Variants in APBA2 observed in about 807,000 individuals in gnomAD.
The protein encoded by APBA2 is amyloid beta precursor protein binding family A member 2, also known as amyloid-beta A4 precursor protein-binding family A member 2.
A neutral mutation model predicts 75.0 loss-of-function variants in APBA2; 30 were observed. The observed-to-expected ratio is 0.40, with a 90% CI of 0.30 to 0.54. APBA2 has a LOEUF of 0.54. Ranked by LOEUF, APBA2 falls within the 20% of genes least tolerant of loss-of-function variation. APBA2 has a pLI of 0.49. For missense variants in APBA2, 801 were observed against 1,016.1 expected (o/e 0.79, Z 2.88); for synonymous variants, 444 against 409.6 (o/e 1.08, Z -1.01).
intron 1 of APBA2, among the ~76,000 whole-genome samples, chr15:28,909,126 A>G (rs1398294270): frequency 2.0e-5 from 3 of 151,624 alleles, no homozygotes; most frequent in Non-Finnish European, 2.9e-5. Context: ...AGCTGGGGCT[A>G]CAGGCGCCCG....
At chr15:29,006,637 G>T (rs1373680514) in intron 3 of APBA2, among the ~76,000 whole-genome samples, 1 of 152,174 alleles carries the variant, frequency 6.6e-6, no homozygotes, top group African/African-American at 2.4e-5. Flanking sequence ...TTACATGGCA[G>T]CAGGCAAGAG....
intron 2 of APBA2, among the ~76,000 whole-genome samples, chr15:28,988,957 GTGT>G (rs1215379425): frequency 6.6e-6 from 1 of 152,174 alleles, no homozygotes; most frequent in Non-Finnish European, 1.5e-5. Context: ...ACAGCACTTG[GTGT>G]TGTCAGACAT....
chr15:29,080,285 C>A (rs1303793353), intron 6 of APBA2, among the ~76,000 whole-genome samples: 1 of 152,192 alleles, frequency 6.6e-6, no homozygotes, highest in East Asian at 1.9e-4. Context: ...AGGATTCGAA[C>A]CAGTCTGGAA....
chr15:29,056,621 C>T (rs1595855451), intron 4 of APBA2, among the ~76,000 whole-genome samples: 1 of 98,360 alleles, frequency 1.0e-5, no homozygotes, highest in Non-Finnish European at 1.9e-5. Context: ...TCCTTCTCTC[C>T]CTCCCTCCCT....
chr15:29,098,842 C>T (rs894190021), intron 9 of APBA2, among the ~76,000 whole-genome samples: 3 of 152,150 alleles, frequency 2.0e-5, no homozygotes, highest in Non-Finnish European at 4.4e-5. Context: ...TCCCCACTCC[C>T]GGGTAGCCTG....
Position 29,053,865 on chromosome 15 carries a change from T to C in APBA2, c.-20T>C. The C allele has an allele frequency of 6.2e-7, 1 of 1,606,272 alleles. No individual in the cohort carries two copies. The highest frequency in any genetic ancestry group is 8.5e-7 in the Non-Finnish European group (1 of 1,174,438). On this transcript the variant is annotated 5_prime_UTR_variant, in exon 4 of 15. It removes an upstream start codon present in the reference 5' UTR. Transcript: ENST00000683413. ...CACAGTGGCTGCCTCCGGGTGATGA[T>C]GGCTGTGTGAACGACTGCCATGGCC...
intron 6 of APBA2, among the ~76,000 whole-genome samples, chr15:29,076,586 A>G (rs2042862989): frequency 6.6e-6 from 1 of 152,026 alleles, no homozygotes; most frequent in Admixed American, 6.6e-5. Flanking sequence ...TGGGGAGCAC[A>G]CTTGCCTGGC....
intron 3 of APBA2, among the ~76,000 whole-genome samples, chr15:29,019,042 C>T (rs4779682): frequency 0.36 from 55,244 of 152,188 alleles, 16,331 homozygotes; most frequent in African/African-American, 0.79. Context: ...CCTTCTCCCA[C>T]GCTGTAGGGA....
At chr15:29,056,966 C>A (rs965801209) in intron 4 of APBA2, among the ~76,000 whole-genome samples, 6 of 151,992 alleles carry the variant, frequency 3.9e-5, no homozygotes. Context: ...GAAATAACAA[C>A]CTGCTTTCCT....
chr15:29,027,103 T>G (rs901460098), intron 3 of APBA2, among the ~76,000 whole-genome samples: 1 of 152,256 alleles, frequency 6.6e-6, no homozygotes, highest in Non-Finnish European at 1.5e-5. Context: ...ATAGTGAACC[T>G]ATTTGTTAAA....
rs763773530 is a variant in APBA2, at chr15:29,050,742, G to A, written c.-40-3103G>A. On this transcript the variant is annotated intron_variant, in intron 3 of 14. Coordinates refer to ENST00000683413, the MANE Select transcript of APBA2 (RefSeq NM_001353788.2). ...TTAGTGTTGGTATACATATTTATAT[G>A]TGCATATTACAGATTTTATCCCCCC... 7.2e-5 allele frequency among the ~76,000 whole-genome samples: 11 copies of A among 152,182 alleles called. No individual in the cohort carries two copies. The South Asian group carries it at 2.1e-3, about 29-fold the overall frequency.
intron 4 of APBA2, among the ~76,000 whole-genome samples, chr15:29,067,517 G>A (rs2042430053): frequency 6.6e-6 from 1 of 152,078 alleles, no homozygotes; most frequent in African/African-American, 2.4e-5. Flanking sequence ...TCTCTCCTAG[G>A]TCTTGTATGG....
chr15:28,963,834 A>C (rs945340842), intron 2 of APBA2, among the ~76,000 whole-genome samples: 2 of 152,244 alleles, frequency 1.3e-5, no homozygotes, highest in East Asian at 3.8e-4. Flanking sequence ...TCAAACCAGG[A>C]AACTGACAGT....
Position 28,937,261 on chromosome 15 carries a change from C to T in APBA2, c.-95+15512C>T, listed in dbSNP as rs1018671667. ...GAGGCACTTCCTGCCTCTTCTAGTT[C>T]CTTGTGGGCCGGGGGTGCTTTGCTC... On this transcript the variant is annotated intron_variant, in intron 2 of 14. Transcript: ENST00000683413. Among the ~76,000 whole-genome samples the T allele has an allele frequency of 3.3e-5, 5 of 151,960 alleles. No individual in the cohort carries two copies. In the East Asian group the frequency reaches 9.7e-4, roughly 29 times the overall value.
chr15:29,089,780 G>C (rs1174798862), intron 6 of APBA2, among the ~76,000 whole-genome samples: 2 of 152,220 alleles, frequency 1.3e-5, no homozygotes, highest in African/African-American at 4.8e-5. Flanking sequence ...ATATGCCTAT[G>C]TGAGTAAGAT....
At chr15:29,030,415 TGG>T (rs2040430579) in intron 3 of APBA2, among the ~76,000 whole-genome samples, 1 of 151,980 alleles carries the variant, frequency 6.6e-6, no homozygotes, top group Non-Finnish European at 1.5e-5. Flanking sequence ...TGAGCCGAGA[TGG>T]CCCCACTGCA....
intron 2 of APBA2, among the ~76,000 whole-genome samples, chr15:28,943,782 C>T (rs1231019366): frequency 6.6e-6 from 1 of 152,198 alleles, no homozygotes; most frequent in African/African-American, 2.4e-5. Flanking sequence ...GCCCTGGCCC[C>T]TCCTTGGGCT....
intron 3 of APBA2, among the ~76,000 whole-genome samples, chr15:29,026,808 C>G (rs1458892072): frequency 1.3e-5 from 2 of 152,044 alleles, no homozygotes; most frequent in Non-Finnish European, 2.9e-5. Context: ...ATACTCCCAG[C>G]TACTCATGAG....
intron 2 of APBA2, among the ~76,000 whole-genome samples, chr15:28,948,004 G>A (rs530065469): frequency 1.3e-5 from 2 of 152,208 alleles, no homozygotes; most frequent in Non-Finnish European, 2.9e-5. Flanking sequence ...GGTTGGCCTT[G>A]CAGGGTGTTA....
Sources: allele counts gnomAD v4.1 joint callset (sites outside exome capture counted in the v4.1 genomes callset), GRCh38; gene constraint gnomAD v4.1.1; transcripts MANE v1.5; gene names NCBI Gene and HGNC (gene_info 2026-07-23, HGNC 2026-07-21).